Variants in TANC1 observed in about 807,000 individuals in gnomAD.
TANC1 encodes tetratricopeptide repeat, ankyrin repeat and coiled-coil containing 1.
TANC1 carries 77 observed loss-of-function variants against 149.7 expected under a neutral mutation model. That is an observed-to-expected ratio of 0.51 (90% CI 0.43 to 0.62). The LOEUF is 0.62. Ranked by LOEUF, TANC1 falls within the 20% of genes least tolerant of loss-of-function variation. The pLI, the probability that TANC1 is intolerant of heterozygous loss-of-function variation, is 0.00. For missense variants in TANC1, 1,985 were observed against 2,321.8 expected, an observed-to-expected ratio of 0.85 and a Z score of 2.98; for synonymous variants, 854 against 925.0, an observed-to-expected ratio of 0.92 and a Z score of 1.39.
intron 11 of TANC1, among the ~76,000 whole-genome samples, chr2:159,173,405 G>A (rs1454338973): frequency 6.6e-6 from 1 of 152,160 alleles, no homozygotes; most frequent in Non-Finnish European, 1.5e-5. Context: ...AGGAGTTGGA[G>A]ACCAGCCTGG....
chr2:159,178,494 C>T, intron 13 of TANC1, 62 bp from the exon 14 acceptor site: 2 of 1,501,738 alleles, frequency 1.3e-6, no homozygotes, highest in African/African-American at 1.4e-5. Flanking sequence ...GTTTAAAATG[C>T]TGTTAAAATA....
intron 2 of TANC1, chr2:159,056,026 T>C: frequency 3.1e-6 from 1 of 320,962 alleles, no homozygotes; most frequent in Non-Finnish European, 6.2e-6. Context: ...CTGGGCCATC[T>C]TGTTGTTGAT....
intron 7 of TANC1, 134 bp from the exon 8 acceptor site, chr2:159,163,149 G>A: frequency 1.2e-6 from 1 of 868,864 alleles, no homozygotes; most frequent in Non-Finnish European, 1.8e-6. Context: ...ACATTGTATG[G>A]AACATACTTT....
intron 2 of TANC1, among the ~76,000 whole-genome samples, chr2:159,062,334 A>T (rs182869934): frequency 6.6e-6 from 1 of 152,254 alleles, no homozygotes; most frequent in African/African-American, 2.4e-5. Context: ...ATACTTATCC[A>T]TAAGTACTTC....
intron 7 of TANC1, among the ~76,000 whole-genome samples, chr2:159,157,698 C>T (rs1014463295): frequency 5.3e-5 from 8 of 152,158 alleles, no homozygotes; most frequent in Non-Finnish European, 1.2e-4. Flanking sequence ...CTTTTATGAG[C>T]GGCCATTATG....
chr2:159,088,737 G>A (rs2045219651), intron 3 of TANC1, among the ~76,000 whole-genome samples: 1 of 152,046 alleles, frequency 6.6e-6, no homozygotes, highest in Non-Finnish European at 1.5e-5. Context: ...TTTTACGTGT[G>A]GCCCAAGACA....
intron 4 of TANC1, among the ~76,000 whole-genome samples, chr2:159,101,639 G>A (rs920240807): frequency 5.9e-5 from 9 of 152,002 alleles, no homozygotes; most frequent in Non-Finnish European, 1.3e-4. Context: ...GTAGTTCTGT[G>A]GCAGTTGCAA....
At chr2:159,123,815 G>A (rs143635426) in intron 4 of TANC1, among the ~76,000 whole-genome samples, 111 of 152,232 alleles carry the variant, frequency 7.3e-4, no homozygotes, top group African/African-American at 2.6e-3. Flanking sequence ...CTTTTACTTC[G>A]TTTAGGAAAT....
chr2:159,091,959 T>A (rs2045585660), intron 3 of TANC1, among the ~76,000 whole-genome samples: 1 of 118,528 alleles, frequency 8.4e-6, no homozygotes. Flanking sequence ...TTTCTGTAAA[T>A]ATAGGGGGGG....
At chr2:159,204,414 A>G (rs2058463591) in intron 19 of TANC1, among the ~76,000 whole-genome samples, 1 of 152,238 alleles carries the variant, frequency 6.6e-6, no homozygotes, top group African/African-American at 2.4e-5. Flanking sequence ...TGCTGAAGGC[A>G]TGGTGGGCTG....
intron 23 of TANC1, chr2:159,224,616 C>T (rs2059908298): frequency 2.3e-6 from 1 of 439,934 alleles, no homozygotes; most frequent in Non-Finnish European, 4.2e-6. Context: ...TGGCCAGGAA[C>T]CACGCCAGAG....
intron 4 of TANC1, among the ~76,000 whole-genome samples, chr2:159,135,665 G>T (rs924978863): frequency 6.6e-5 from 10 of 152,266 alleles, no homozygotes; most frequent in African/African-American, 2.2e-4. Flanking sequence ...TCACCAGCCA[G>T]ATAAGATGCC....
Position 159,196,764 on chromosome 2 carries a change from A to G in TANC1, c.3136A>G (p.Thr1046Ala), listed in dbSNP as rs756904117. Reference sequence around the variant, plus strand: ...GAGCCACGCCCTGCAGCAGGCGCTGACCGCGGCGGCCAGCATGGGCCACAG... The same window carrying G: ...GAGCCACGCCCTGCAGCAGGCGCTGGCCGCGGCGGCCAGCATGGGCCACAG... ...RKSHALQQAL[T>A]AAASMGHSSV... Residue 1046 changes from threonine (T) to alanine (A), a missense_variant, in exon 18 of 27, where the codon ACC becomes GCC. Thr to Ala is a moderately conservative substitution (Grantham distance 58). This residue lies in a region of TANC1 where 508 missense variants were observed against 714.2 expected (regional missense o/e 0.71). Coordinates refer to ENST00000263635, the MANE Select transcript of TANC1 (RefSeq NM_033394.3). 3.1e-6 allele frequency: 5 copies of G among 1,612,634 alleles called. No individual in the cohort carries two copies. The African/African-American group carries it at 6.7e-5, about 22-fold the overall frequency.
At chr2:159,142,993 T>C (rs2051553867) in intron 5 of TANC1, among the ~76,000 whole-genome samples, 1 of 148,752 alleles carries the variant, frequency 6.7e-6, no homozygotes, top group Non-Finnish European at 1.5e-5. Flanking sequence ...AACCCAGGAG[T>C]TGGTGGTTGC....
At position 159,001,574 on chromosome 2, in the gene TANC1, A is replaced by T. The variant is rs531817107; in HGVS notation, c.-16+385A>T. Among the ~76,000 whole-genome samples the T allele has an allele frequency of 6.6e-6, 1 of 152,308 alleles. No homozygotes were observed. The highest frequency in any genetic ancestry group is 2.4e-5 in the African/African-American group (1 of 41,572). On this transcript the variant is annotated intron_variant, in intron 2 of 26. Transcript: ENST00000263635. The surrounding 1 kb of genome is among the most constrained non-coding windows in gnomAD (Gnocchi z 4.3). Reference sequence around the variant, plus strand: ...GTGGTGGAGGGAGGGAGTAATAATCACTACCATTTATGAAACCCTTTCCTG... The same window carrying T: ...GTGGTGGAGGGAGGGAGTAATAATCTCTACCATTTATGAAACCCTTTCCTG...
At chr2:159,038,992 G>T (rs911812830) in intron 2 of TANC1, among the ~76,000 whole-genome samples, 1 of 152,068 alleles carries the variant, frequency 6.6e-6, no homozygotes, top group Non-Finnish European at 1.5e-5. Context: ...GACTTTTTTT[G>T]ATTGGTAGGC....
chr2:158,975,305 GGTGACT>G, intron 1 of TANC1, among the ~76,000 whole-genome samples: 1 of 152,120 alleles, frequency 6.6e-6, no homozygotes, highest in African/African-American at 2.4e-5. Context: ...TGTGGAGGGG[GGTGACT>G]GTGCTTACTA....
At chr2:159,124,675 T>G (rs1191750280) in intron 4 of TANC1, among the ~76,000 whole-genome samples, 6 of 152,138 alleles carry the variant, frequency 3.9e-5, no homozygotes, top group Non-Finnish European at 7.4e-5. Flanking sequence ...AAATCAAAGT[T>G]TGTGGTTGTT....
intron 2 of TANC1, among the ~76,000 whole-genome samples, chr2:159,047,825 T>C (rs2041188734): frequency 6.6e-6 from 1 of 152,232 alleles, no homozygotes; most frequent in Non-Finnish European, 1.5e-5. Context: ...ACTTTCTAAA[T>C]TGAGACCTGT....
Sources: allele counts gnomAD v4.1 joint callset (sites outside exome capture counted in the v4.1 genomes callset), GRCh38; gene constraint gnomAD v4.1.1; regional missense constraint gnomAD v4.1.1; non-coding constraint Gnocchi (gnomAD v3.1); transcripts MANE v1.5; gene names NCBI Gene and HGNC (gene_info 2026-07-23, HGNC 2026-07-21).